Variants in SDK2 observed in about 807,000 individuals in gnomAD.
SDK2 encodes sidekick cell adhesion molecule 2.
In SDK2, 105 loss-of-function variants were observed where a neutral mutation model predicts 253.9. That is an observed-to-expected ratio of 0.41 (90% confidence interval 0.35 to 0.49). The LOEUF (loss-of-function observed/expected upper bound fraction) is 0.49, where lower values mean the gene tolerates loss of function less well. SDK2 is among the 20% of genes least tolerant of loss of function. SDK2 has a pLI of 0.06. For missense variants in SDK2, 2,608 were observed against 3,003.0 expected, an observed-to-expected ratio of 0.87 and a Z score of 3.07; for synonymous variants, 1,249 against 1,234.9, an observed-to-expected ratio of 1.01 and a Z score of -0.24.
intron 1 of SDK2, among the ~76,000 whole-genome samples, chr17:73,523,180 G>T (rs1362142200): frequency 2.6e-5 from 4 of 152,048 alleles, no homozygotes; most frequent in Non-Finnish European, 5.9e-5. Context: ...GGGCATGAAG[G>T]TTTCACAGTC....
chr17:73,515,899 A>G (rs1458074932), intron 1 of SDK2, among the ~76,000 whole-genome samples: 1 of 152,236 alleles, frequency 6.6e-6, no homozygotes, highest in Admixed American at 6.5e-5. Context: ...CAGGAGGATC[A>G]AATGAGCTAA....
rs546552026 is a variant in SDK2 at position 73,529,212 on chromosome 17, G to A, written c.65-21615C>T. On this transcript the variant is annotated intron_variant, in intron 1 of 44. Transcript: ENST00000392650. The stretch of plus-strand genomic sequence containing the variant: ...CGAAAAGCATGCATGAGTGGGAACC[G>A]GGGAGTCCTACAGTCAGTACCGAGG... Among the ~76,000 whole-genome samples, 5 of 152,282 alleles carry A rather than the reference G, an allele frequency of 3.3e-5. No individual in the cohort carries two copies. The East Asian group carries it at 5.8e-4, about 18-fold the overall frequency.
At chr17:73,468,226 G>A (rs1301126730) in intron 3 of SDK2, among the ~76,000 whole-genome samples, 1 of 152,196 alleles carries the variant, frequency 6.6e-6, no homozygotes. Context: ...TCTGTGGCCT[G>A]CTTCTCTACT....
Position 73,365,244 on chromosome 17 carries a change from G to A in SDK2, c.5305+14C>T. The A allele has an allele frequency of 6.3e-7, 1 of 1,587,878 alleles. No individual in the cohort carries two copies. Among genetic ancestry groups the A allele is most frequent in the Middle Eastern group, 1.8e-4 (1 of 5,518 alleles). On this transcript the variant is annotated intron_variant, in intron 38 of 44. Transcript: ENST00000392650. ...AGTGGGGGGCTGGGGAGCTGTGCTG[G>A]GGGGTCCACTCACCATCCACGGGGC...
chr17:73,543,204 G>T (rs2044897819), intron 1 of SDK2, among the ~76,000 whole-genome samples: 1 of 152,128 alleles, frequency 6.6e-6, no homozygotes, highest in Admixed American at 6.5e-5. Flanking sequence ...CATCCAGGAT[G>T]TGAGGACTCC....
chr17:73,406,458 C>T (rs1432483317), intron 18 of SDK2, among the ~76,000 whole-genome samples: 2 of 151,886 alleles, frequency 1.3e-5, no homozygotes, highest in Non-Finnish European at 2.9e-5. Context: ...CTATGTTGGC[C>T]ATGGTGGTCT....
chr17:73,443,032 C>T lies in SDK2; in HGVS notation c.614-2109G>A, dbSNP rs1411544397. Reference sequence around the variant, plus strand: ...AATACAACCTCTGAGGACTTTTTCTCCACAACAAATCTATCCAGTTGGCCC... The same window carrying T: ...AATACAACCTCTGAGGACTTTTTCTTCACAACAAATCTATCCAGTTGGCCC... On this transcript the variant is annotated intron_variant, in intron 5 of 44. Transcript: ENST00000392650. This position sits in a 1 kb window ranked among gnomAD's most constrained non-coding sequence, Gnocchi z 4.6. 6.6e-6 allele frequency among the ~76,000 whole-genome samples: 1 copy of T among 151,984 alleles called. No homozygotes were observed. The highest frequency in any genetic ancestry group is 6.5e-5 in the Admixed American group (1 of 15,268).
chr17:73,566,112 C>A (rs1430640446), intron 1 of SDK2, among the ~76,000 whole-genome samples: 1 of 152,184 alleles, frequency 6.6e-6, no homozygotes, highest in Non-Finnish European at 1.5e-5. Context: ...TGAGGCACTG[C>A]CCCCAGCCAA....
intron 3 of SDK2, among the ~76,000 whole-genome samples, chr17:73,457,830 T>C (rs915996016): frequency 2.6e-5 from 4 of 152,192 alleles, no homozygotes; most frequent in African/African-American, 9.7e-5. Flanking sequence ...TTGGGTGTTA[T>C]TTCTCAACTC....
At chr17:73,625,090 C>G (rs368822023) in intron 1 of SDK2, among the ~76,000 whole-genome samples, 2 of 152,154 alleles carry the variant, frequency 1.3e-5, no homozygotes, top group African/African-American at 2.4e-5. Context: ...GCAGCAGGGC[C>G]AGGATTCCAG....
At chr17:73,408,396 TA>T (rs33975727) in intron 18 of SDK2, among the ~76,000 whole-genome samples, 563 of 4,090 alleles carry the variant, frequency 0.14, 2 homozygotes, top group Middle Eastern at 0.33. Flanking sequence ...TTTTTTTTTT[TA>T]ATATTTTTAG....
intron 34 of SDK2, 91 bp downstream of exon 34, chr17:73,380,803 C>A (rs947164760): frequency 1.0e-5 from 12 of 1,186,826 alleles, no homozygotes; most frequent in Non-Finnish European, 1.4e-5. Flanking sequence ...CACACCCCCT[C>A]AACCTGTGAT....
chr17:73,355,174 A>ATATATATATATATATATTTTTTTTTT, intron 40 of SDK2, among the ~76,000 whole-genome samples: 2 of 47,220 alleles, frequency 4.2e-5, no homozygotes, highest in South Asian at 1.8e-3. Context: ...ATATATATAT[A>ATATATATATATATATATTTTTTTTTT]TTTTTTTTTT....
chr17:73,429,630 G>GCTCCTTCTA (rs1269386784), intron 12 of SDK2, among the ~76,000 whole-genome samples: 2 of 152,216 alleles, frequency 1.3e-5, no homozygotes. Flanking sequence ...CAGGAGCGCC[G>GCTCCTTCTA]GCCCCTTCTA....
chr17:73,458,936 G>A (rs565606031), intron 3 of SDK2, among the ~76,000 whole-genome samples: 84 of 152,240 alleles, frequency 5.5e-4, no homozygotes, highest in African/African-American at 7.5e-4. Context: ...CCTGGGAGGC[G>A]GAGGTTGCGG....
intron 10 of SDK2, among the ~76,000 whole-genome samples, 163 bp downstream of exon 10, chr17:73,433,569 A>G (rs527291509): frequency 4.6e-5 from 7 of 152,142 alleles, no homozygotes; most frequent in Non-Finnish European, 1.0e-4. Flanking sequence ...GATTATAGGC[A>G]TGAGCCACCG....
chr17:73,603,198 G>A (rs1206175497), intron 1 of SDK2, among the ~76,000 whole-genome samples: 1 of 152,184 alleles, frequency 6.6e-6, no homozygotes, highest in Non-Finnish European at 1.5e-5. Flanking sequence ...CCATAGGGGT[G>A]CACAGGTGAA....
intron 1 of SDK2, among the ~76,000 whole-genome samples, chr17:73,525,010 T>A (rs2064114012): frequency 6.6e-6 from 1 of 152,258 alleles, no homozygotes; most frequent in Non-Finnish European, 1.5e-5. Flanking sequence ...TGGATGGCTG[T>A]CCAAGACTCA....
chr17:73,395,143 AG>A lies in SDK2; in HGVS notation c.3592+11del, dbSNP rs1568380575. 1.9e-6 allele frequency: 3 copies of A among 1,569,728 alleles called. No homozygotes were observed. Among genetic ancestry groups the A allele is most frequent in the Non-Finnish European group, 2.6e-6 (3 of 1,159,126 alleles). ...ACAGGCAGCAGGGTGGCTGGGTGTG[AG>A]GGGTTGGTACCTGACTCCCGGGTCC... On this transcript the variant is annotated intron_variant, in intron 25 of 44. Coordinates refer to ENST00000392650, the MANE Select transcript of SDK2 (RefSeq NM_001144952.2). The surrounding 1 kb of genome is among the most constrained non-coding windows in gnomAD (Gnocchi z 4.3).
Sources: gnomAD v4.1 joint callset for allele counts (sites outside exome capture counted in the v4.1 genomes callset) on GRCh38, gnomAD v4.1.1 for gene constraint, Gnocchi (gnomAD v3.1) non-coding constraint, MANE v1.5 for transcripts, NCBI Gene and HGNC (gene_info 2026-07-23, HGNC 2026-07-21) for gene names.